Variants in LRRC74A observed in about 807,000 individuals in gnomAD.
LRRC74A encodes leucine-rich repeat-containing protein 74A.
Under a neutral mutation model 57.9 loss-of-function variants are expected in LRRC74A, and 44 were observed. That is an observed-to-expected ratio of 0.76 (90% CI 0.60 to 0.98). LRRC74A has a LOEUF of 0.98. LRRC74A is among the 50% of genes least tolerant of loss of function. LRRC74A has a pLI of 0.00. For synonymous variants in LRRC74A, 211 were observed against 219.4 expected (o/e 0.96, Z 0.34); for missense variants, 572 against 574.0 (o/e 1.00, Z 0.04).
chr14:76,847,722 G>T (rs1447542272), intron 7 of LRRC74A, among the ~76,000 whole-genome samples: 2 of 152,138 alleles, frequency 1.3e-5, no homozygotes, highest in African/African-American at 4.8e-5. Flanking sequence ...AGTGGAGTGG[G>T]TGAGTTATGG....
intron 3 of LRRC74A, among the ~76,000 whole-genome samples, chr14:76,833,154 C>T (rs1394586072): frequency 3.9e-5 from 6 of 152,064 alleles, no homozygotes; most frequent in Non-Finnish European, 8.8e-5. Flanking sequence ...GTAGAGACAG[C>T]CAAACACAAG....
At chr14:76,849,925 A>G (rs1256841797) in intron 7 of LRRC74A, among the ~76,000 whole-genome samples, 1 of 151,738 alleles carries the variant, frequency 6.6e-6, no homozygotes. Flanking sequence ...AACTCTATAT[A>G]GGGCCAGGCG....
At chr14:76,862,772 G>A (rs960522260) in intron 11 of LRRC74A, among the ~76,000 whole-genome samples, 25 of 152,108 alleles carry the variant, frequency 1.6e-4, no homozygotes, top group Non-Finnish European at 2.4e-4. Context: ...AGGTGGAACC[G>A]CACACAGCAT....
At chr14:76,848,398 C>CAA (rs561999249) in intron 7 of LRRC74A, among the ~76,000 whole-genome samples, 4 of 137,370 alleles carry the variant, frequency 2.9e-5, no homozygotes, top group Non-Finnish European at 3.1e-5. Flanking sequence ...GACTCCATCT[C>CAA]AAAAAAAAAA....
intron 7 of LRRC74A, among the ~76,000 whole-genome samples, chr14:76,850,950 G>C (rs1897440908): frequency 6.6e-6 from 1 of 152,154 alleles, no homozygotes; most frequent in Non-Finnish European, 1.5e-5. Context: ...CTCCCATTCA[G>C]TAATGGTTCA....
intron 10 of LRRC74A, among the ~76,000 whole-genome samples, chr14:76,857,813 C>T (rs1374127630): frequency 3.9e-5 from 6 of 152,170 alleles, no homozygotes; most frequent in Admixed American, 3.3e-4. Flanking sequence ...AGATGAGTGG[C>T]CCTCGGTCCC....
intron 6 of LRRC74A, 76 bp from the exon 7 acceptor site, chr14:76,844,744 T>G: frequency 1.2e-6 from 1 of 847,850 alleles, no homozygotes; most frequent in African/African-American, 1.7e-5. Flanking sequence ...CCCACCATCA[T>G]ACTGCCCTGA....
intron 11 of LRRC74A, among the ~76,000 whole-genome samples, chr14:76,864,416 G>A (rs868330657): frequency 3.1e-5 from 4 of 128,366 alleles, no homozygotes; most frequent in Non-Finnish European, 5.0e-5. Context: ...AGGAAGGGGG[G>A]GGGGGGGTGG....
At chr14:76,844,236 C>T (rs911194905) in intron 5 of LRRC74A, among the ~76,000 whole-genome samples, 187 bp from the exon 6 acceptor site, 8 of 152,220 alleles carry the variant, frequency 5.3e-5, no homozygotes, top group African/African-American at 1.9e-4. Context: ...CTCCTGGGCT[C>T]AAGTCATCCT....
chr14:76,848,948 G>T (rs1207435604), intron 7 of LRRC74A, among the ~76,000 whole-genome samples: 1 of 152,180 alleles, frequency 6.6e-6, no homozygotes, highest in African/African-American at 2.4e-5. Context: ...TGTCATTGCC[G>T]CTATTTTCTC....
rs777750982 is a variant in LRRC74A, at chr14:76,866,077, T to C, written c.1308+2T>C. 2.0e-6 allele frequency: 3 copies of C among 1,530,554 alleles called. No homozygotes were observed. Among genetic ancestry groups the C allele is most frequent in the Non-Finnish European group, 2.7e-6 (3 of 1,113,468 alleles). 94.8% of individuals were successfully genotyped at this position (1,530,554 alleles called of 1,614,324 possible). On this transcript the variant is annotated splice_donor_variant, in intron 12 of 13. Transcript: ENST00000689127. LOFTEE classifies it high-confidence loss of function. ...GAGTTCCAGAAAGTGATGATAGAGG[T>C]GTGCTGGGTCCTAGTGGCAACAGGC...
chr14:76,838,781 C>T (rs549057882), intron 5 of LRRC74A, among the ~76,000 whole-genome samples: 23 of 152,260 alleles, frequency 1.5e-4, no homozygotes, highest in South Asian at 1.0e-3. Flanking sequence ...TCTATAAAGA[C>T]GGGTTGTCCC....
Position 76,857,481 on chromosome 14 carries a change from T to C in LRRC74A, c.1053+6T>C. ...TGGAAGAGCTTGATATTTCCGTAAGTGATCAAATGGTAGTTGCTTGCGTCT... is the reference window on the plus strand; with the variant it reads ...TGGAAGAGCTTGATATTTCCGTAAGCGATCAAATGGTAGTTGCTTGCGTCT... On this transcript the variant is annotated splice_donor_region_variant and intron_variant, in intron 10 of 13. Transcript: ENST00000689127. The C allele has an allele frequency of 2.6e-6, 4 of 1,561,070 alleles. No homozygotes were observed. The highest frequency in any genetic ancestry group is 3.5e-6 in the Non-Finnish European group (4 of 1,150,014).
At chr14:76,859,624 C>T (rs182970679) in intron 10 of LRRC74A, among the ~76,000 whole-genome samples, 236 of 139,142 alleles carry the variant, frequency 1.7e-3, no homozygotes, top group African/African-American at 5.7e-3. Context: ...CACAGTGGCA[C>T]TTAATAAGCC....
At chr14:76,844,750 C>T (rs1897008715) in intron 6 of LRRC74A, 70 bp from the exon 7 acceptor site, 2 of 873,380 alleles carry the variant, frequency 2.3e-6, no homozygotes, top group Admixed American at 2.0e-5. Flanking sequence ...ATCATACTGC[C>T]CTGAGATAAG....
intron 2 of LRRC74A, 66 bp from the exon 3 acceptor site, chr14:76,831,137 G>A: frequency 6.7e-7 from 1 of 1,502,682 alleles, no homozygotes; most frequent in Admixed American, 1.8e-5. Flanking sequence ...GAATGTCACT[G>A]GGGCTAGAGG....
At chr14:76,833,849 A>C (rs1896138081) in intron 3 of LRRC74A, among the ~76,000 whole-genome samples, 1 of 152,140 alleles carries the variant, frequency 6.6e-6, no homozygotes, top group Non-Finnish European at 1.5e-5. Context: ...ATCATGGGTA[A>C]GTATATATAG....
rs769508596 is a variant in LRRC74A, at chr14:76,844,430, C to A, written c.552C>A (p.Asp184Glu). 1.5e-5 allele frequency: 24 copies of A among 1,612,500 alleles called. No individual in the cohort carries two copies. The East Asian group carries it at 5.4e-4, about 36-fold the overall frequency. ...ACACCACCCTCACTACAGGAAATGA[C>A]TTCAAGGAAGACTCCGCAGCACTGC... is the stretch of plus-strand genomic sequence containing the variant. ...SIWSLELSGN[D>E]FKEDSAALLC... The change falls in exon 6 of 14, where the codon GAC (aspartate) becomes GAA (glutamate). Residue 184 changes from aspartate (D) to glutamate (E), a missense_variant. Asp to Glu is a conservative substitution (Grantham distance 45). Transcript: ENST00000689127.
intron 7 of LRRC74A, among the ~76,000 whole-genome samples, chr14:76,850,447 G>A (rs998234234): frequency 3.3e-5 from 5 of 151,626 alleles, no homozygotes; most frequent in African/African-American, 1.2e-4. Context: ...AGGAGGGGAG[G>A]GGGTAATGAA....
Sources: allele counts gnomAD v4.1 joint callset (sites outside exome capture counted in the v4.1 genomes callset), GRCh38; gene constraint gnomAD v4.1.1; transcripts MANE v1.5; gene names NCBI Gene and HGNC (gene_info 2026-07-23, HGNC 2026-07-21).